KLHL25: variants seen among roughly 807,000 people sequenced by gnomAD.
KLHL25 encodes the protein kelch-like protein 25.
In KLHL25, 41 loss-of-function variants were observed where a neutral mutation model predicts 30.0. That is an observed-to-expected ratio of 1.37 (90% CI 1.07 to 1.78). KLHL25 has a LOEUF of 1.78. KLHL25 is among the 40% of genes most tolerant of loss of function. The pLI, the probability that KLHL25 is intolerant of heterozygous loss-of-function variation, is 0.00. For synonymous variants in KLHL25, 399 were observed against 355.3 expected (o/e 1.12, Z -1.38); for missense variants, 971 against 824.5 (o/e 1.18, Z -2.18).
At chr15:85,776,045 T>G (rs2089706925) in intron 1 of KLHL25, among the ~76,000 whole-genome samples, 1 of 150,566 alleles carries the variant, frequency 6.6e-6, no homozygotes, top group Non-Finnish European at 1.5e-5. Context: ...TGTTGGCGTG[T>G]GCCTGTAGTC....
intron 1 of KLHL25, among the ~76,000 whole-genome samples, chr15:85,783,090 T>C (rs1450984362): frequency 6.6e-6 from 1 of 152,170 alleles, no homozygotes; most frequent in Non-Finnish European, 1.5e-5. Context: ...ATATACCATA[T>C]TTAAACATTT....
intron 1 of KLHL25, among the ~76,000 whole-genome samples, chr15:85,793,509 A>G (rs2089830362): frequency 6.6e-6 from 1 of 152,078 alleles, no homozygotes; most frequent in African/African-American, 2.4e-5. Context: ...CCAGACCCCC[A>G]CGCAAGCCTT....
At chr15:85,788,728 C>T (rs2089797397) in intron 1 of KLHL25, among the ~76,000 whole-genome samples, 3 of 152,196 alleles carry the variant, frequency 2.0e-5, no homozygotes, top group Admixed American at 2.0e-4. Flanking sequence ...AGCTTCTAGT[C>T]CACGGCGAGC....
chr15:85,769,862 G>A, intron 1 of KLHL25, 42 bp from the exon 2 acceptor site: 1 of 1,485,162 alleles, frequency 6.7e-7, no homozygotes, highest in South Asian at 1.2e-5. Flanking sequence ...AGCCCCTCCT[G>A]CCCATCTGCC....
At chr15:85,774,260 A>G (rs1321025127) in intron 1 of KLHL25, among the ~76,000 whole-genome samples, 1 of 152,126 alleles carries the variant, frequency 6.6e-6, no homozygotes, top group Non-Finnish European at 1.5e-5. Context: ...CTGAGCTTTG[A>G]TGGATTTAAG....
rs764162990 is a variant in KLHL25, at chr15:85,769,368, T to G, written c.443A>C (p.Asn148Thr). The G allele has an allele frequency of 2.5e-6, 4 of 1,613,996 alleles. No individual in the cohort carries two copies. The highest frequency in any genetic ancestry group is 1.3e-5 in the African/African-American group (1 of 74,930). The change falls in exon 2 of 3, where the codon AAC (asparagine) becomes ACC (threonine). Residue 148 changes from asparagine to threonine, a missense_variant. Transcript: ENST00000337975. ...CGAGAGCAGCATCATGCCCAGGCAG[T>G]TGGAGGGGAAAAGGTTCTTCTCCAG... ...EFLEKNLFPS[N>T]CLGMMLLSDA... is the part of the protein sequence containing the mutation.
chr15:85,775,865 A>G (rs1189558746), intron 1 of KLHL25, among the ~76,000 whole-genome samples: 1 of 5,940 alleles, frequency 1.7e-4, no homozygotes, highest in Non-Finnish European at 3.3e-4. Context: ...TGGCTCGTTT[A>G]AAAAAAAAAA....
At chr15:85,787,180 C>T (rs1304133640) in intron 1 of KLHL25, among the ~76,000 whole-genome samples, 2 of 126,606 alleles carry the variant, frequency 1.6e-5, no homozygotes, top group Non-Finnish European at 3.1e-5. Flanking sequence ...GGCGCAGTGG[C>T]TCACGCCTGT....
At chr15:85,767,885 A>T (rs2089634958) in intron 2 of KLHL25, 132 bp downstream of exon 2, 2 of 622,976 alleles carry the variant, frequency 3.2e-6, no homozygotes, top group Non-Finnish European at 5.5e-6. Context: ...ACTCCAGAGC[A>T]CACCAGCCAC....
rs16944187 is a variant in KLHL25, at chr15:85,771,854, T to C, written c.-10-2034A>G. On this transcript the variant is annotated intron_variant, in intron 1 of 2. Transcript: ENST00000337975. ...TCCTACTCAGGCCTCCACAACTCAC[T>C]TGTTGGCAACTATTTCCTGAGCACA... 4.6e-3 allele frequency among the ~76,000 whole-genome samples: 698 copies of C among 152,316 alleles called. 6 individuals are homozygous for C. The highest frequency in any genetic ancestry group is 0.016 in the African/African-American group (667 of 41,576).
At position 85,770,257 on chromosome 15, in the gene KLHL25, G is replaced by C. The variant is rs532712962; in HGVS notation, c.-10-437C>G. Among the ~76,000 whole-genome samples, 18 of 152,326 alleles carry C rather than the reference G, an allele frequency of 1.2e-4. 1 individual carries two copies. The South Asian group carries it at 1.4e-3, about 12-fold the overall frequency. On this transcript the variant is annotated intron_variant, in intron 1 of 2. Coordinates refer to ENST00000337975, the MANE Select transcript of KLHL25 (RefSeq NM_022480.4). ...CTTCTCTTGTAAGTCCCATTTTAGA[G>C]CTAGGGAAGCCACAGCTCAGAGAGG...
intron 2 of KLHL25, among the ~76,000 whole-genome samples, chr15:85,767,067 T>C (rs887761629): frequency 8.0e-5 from 12 of 150,680 alleles, no homozygotes; most frequent in African/African-American, 2.9e-4. Flanking sequence ...CTTGGCTCAC[T>C]GCAGCCTCTG....
chr15:85,783,533 A>G (rs531938069), intron 1 of KLHL25, among the ~76,000 whole-genome samples: 1 of 152,120 alleles, frequency 6.6e-6, no homozygotes, highest in Non-Finnish European at 1.5e-5. Context: ...CTCTACTAAA[A>G]ATAGAAAAAT....
chr15:85,770,346 G>T (rs1002365454), intron 1 of KLHL25: 2 of 421,806 alleles, frequency 4.7e-6, no homozygotes, highest in Non-Finnish European at 9.6e-6. Flanking sequence ...TCTGGAGCCT[G>T]ATCTCTGTTC....
At chr15:85,785,881 G>C (rs930785373) in intron 1 of KLHL25, among the ~76,000 whole-genome samples, 2 of 152,058 alleles carry the variant, frequency 1.3e-5, no homozygotes, top group African/African-American at 4.8e-5. Context: ...CTGGTGATTC[G>C]ACCTCACTCC....
chr15:85,771,602 T>C (rs573363246), intron 1 of KLHL25, among the ~76,000 whole-genome samples: 1 of 152,238 alleles, frequency 6.6e-6, no homozygotes, highest in Non-Finnish European at 1.5e-5. Flanking sequence ...AGGGCCAGAC[T>C]GGCCTTGCTG....
chr15:85,786,096 C>A (rs958341770), intron 1 of KLHL25, among the ~76,000 whole-genome samples: 2 of 152,118 alleles, frequency 1.3e-5, no homozygotes, highest in Non-Finnish European at 2.9e-5. Flanking sequence ...TCAGCGAGGC[C>A]CCTCCCCTTT....
intron 1 of KLHL25, among the ~76,000 whole-genome samples, chr15:85,778,068 T>C (rs1455369682): frequency 6.6e-6 from 1 of 152,210 alleles, no homozygotes. Context: ...AGAAAGATTT[T>C]ATTTCTTGCT....
intron 1 of KLHL25, among the ~76,000 whole-genome samples, chr15:85,772,375 A>ACCTGCCC (rs1184025480): frequency 1.3e-5 from 2 of 151,474 alleles, no homozygotes; most frequent in Non-Finnish European, 2.9e-5. Context: ...ACCTCATCGC[A>ACCTGCCC]CCTGCCCCCT....
Sources: allele counts gnomAD v4.1 joint callset (sites outside exome capture counted in the v4.1 genomes callset), GRCh38; gene constraint gnomAD v4.1.1; transcripts MANE v1.5; gene names NCBI Gene and HGNC (gene_info 2026-07-23, HGNC 2026-07-21).